Variants in EPHA5 observed in about 807,000 individuals in gnomAD.
EPHA5 encodes ephrin type-A receptor 5.
Under a neutral mutation model 105.0 loss-of-function variants are expected in EPHA5, and 60 were observed. That is an observed-to-expected ratio of 0.57 (90% CI 0.46 to 0.71). The LOEUF is 0.71. Among genes scored for constraint, EPHA5 ranks in the 30% least tolerant of loss-of-function variants. The pLI is 0.00. For missense variants in EPHA5, 1,218 were observed against 1,274.7 expected, an observed-to-expected ratio of 0.96 and a Z score of 0.68; for synonymous variants, 513 against 449.1, an observed-to-expected ratio of 1.14 and a Z score of -1.80.
chr4:65,586,747 T>C (rs374656873), intron 3 of EPHA5, among the ~76,000 whole-genome samples: 1 of 152,058 alleles, frequency 6.6e-6, no homozygotes, highest in African/African-American at 2.4e-5. Context: ...TTAATCTACA[T>C]TAATCTCATT....
chr4:65,400,854 G>A (rs529458799), intron 8 of EPHA5, among the ~76,000 whole-genome samples: 3 of 152,030 alleles, frequency 2.0e-5, no homozygotes, highest in Non-Finnish European at 4.4e-5. Flanking sequence ...AATATTACAT[G>A]CAAGTGATGT....
intron 16 of EPHA5, among the ~76,000 whole-genome samples, chr4:65,327,692 C>A (rs1720215230): frequency 6.6e-6 from 1 of 151,202 alleles, no homozygotes; most frequent in Non-Finnish European, 1.5e-5. Flanking sequence ...AAATTGTTCT[C>A]AGCAACTAAG....
chr4:65,391,939 C>A (rs1720756514), intron 8 of EPHA5, among the ~76,000 whole-genome samples: 1 of 152,064 alleles, frequency 6.6e-6, no homozygotes, highest in South Asian at 2.1e-4. Flanking sequence ...CTGAGTTTTT[C>A]TTTCAAATGT....
Position 65,442,839 on chromosome 4 carries a change from G to A in EPHA5, c.1403-22274C>T, listed in dbSNP as rs573497070. Among the ~76,000 whole-genome samples, 6 of 152,156 alleles carry A rather than the reference G, an allele frequency of 3.9e-5. No homozygotes were observed. The East Asian group carries it at 7.8e-4, about 20-fold the overall frequency. On this transcript the variant is annotated intron_variant, in intron 5 of 16. Transcript: ENST00000613740. The stretch of plus-strand genomic sequence containing the variant: ...ATTATGAATTGACAGTGCCCCATAA[G>A]GTGAGAAGAAACTGAAATGCAGAGG...
chr4:65,448,420 G>C (rs1335658794), intron 5 of EPHA5, among the ~76,000 whole-genome samples: 2 of 152,160 alleles, frequency 1.3e-5, no homozygotes, highest in African/African-American at 2.4e-5. Flanking sequence ...GGCCGAGGAG[G>C]ACAGATCACT....
At chr4:65,556,826 G>C (rs1162288952) in intron 3 of EPHA5, among the ~76,000 whole-genome samples, 1 of 151,918 alleles carries the variant, frequency 6.6e-6, no homozygotes, top group Non-Finnish European at 1.5e-5. Context: ...AAAACAACTT[G>C]CTCCTTTTCA....
chr4:65,656,230 T>C (rs1018400518), intron 1 of EPHA5, among the ~76,000 whole-genome samples: 1 of 150,482 alleles, frequency 6.6e-6, no homozygotes, highest in Non-Finnish European at 1.5e-5. Flanking sequence ...AGATAATCAG[T>C]GAAAATTAAA....
In EPHA5 at chr4:65,669,987, G is replaced by T; in HGVS notation, c.-245C>A. The T allele has an allele frequency of 2.1e-6, 1 of 486,686 alleles. No individual in the cohort carries two copies. Among genetic ancestry groups the T allele is most frequent in the Non-Finnish European group, 3.2e-6 (1 of 308,900 alleles). The allele number at this position is 486,686 out of a possible 1,614,324, so 30.1% of individuals were successfully genotyped here. A position where few individuals can be genotyped will look rare whatever the true frequency, so the allele number is the denominator to read the frequency against. ...TGAAATATTAGTTCTGGTTGCTAGTGCAGATCTGGACTCGGATCAAGGGTG... is the reference window on the plus strand; with the variant it reads ...TGAAATATTAGTTCTGGTTGCTAGTTCAGATCTGGACTCGGATCAAGGGTG... On this transcript the variant is annotated 5_prime_UTR_variant, in exon 1 of 17. Transcript: ENST00000613740.
rs566563277 is a variant in EPHA5, at chr4:65,584,228, T to C, written c.910+17413A>G. 7.6e-4 allele frequency among the ~76,000 whole-genome samples: 115 copies of C among 151,914 alleles called. 1 individual carries two copies. The highest frequency in any genetic ancestry group is 1.2e-3 in the Admixed American group (18 of 15,204). On this transcript the variant is annotated intron_variant, in intron 3 of 16. Coordinates refer to ENST00000613740, the MANE Select transcript of EPHA5 (RefSeq NM_001281766.3). ...TTCAAACAGAAACTCATCAATTTCT[T>C]CAAAATATAATGTGTTTCTCTTCTG...
At chr4:65,659,854 A>C (rs1322707191) in intron 1 of EPHA5, among the ~76,000 whole-genome samples, 2 of 152,122 alleles carry the variant, frequency 1.3e-5, no homozygotes, top group East Asian at 1.9e-4. Flanking sequence ...AAATATAAAA[A>C]TTCAATTATA....
chr4:65,393,297 A>G (rs1225888809), intron 8 of EPHA5, among the ~76,000 whole-genome samples: 3 of 152,110 alleles, frequency 2.0e-5, no homozygotes, highest in Non-Finnish European at 4.4e-5. Flanking sequence ...TAACTTCTCT[A>G]TCCTCTCCTT....
intron 5 of EPHA5, among the ~76,000 whole-genome samples, chr4:65,429,859 T>G (rs1724811311): frequency 6.6e-6 from 1 of 152,046 alleles, no homozygotes. Flanking sequence ...ACTTTATGGC[T>G]ACAGAATGAC....
chr4:65,492,993 G>T (rs79832783), intron 4 of EPHA5, among the ~76,000 whole-genome samples: 117,448 of 149,698 alleles, frequency 0.78, 46,380 homozygotes, highest in East Asian at 0.91. Flanking sequence ...GTTTTGTTTT[G>T]TTTTTTAATT....
chr4:65,620,857 C>T (rs1745647906), intron 2 of EPHA5, among the ~76,000 whole-genome samples: 1 of 152,044 alleles, frequency 6.6e-6, no homozygotes, highest in African/African-American at 2.4e-5. Flanking sequence ...CGTAAATTTC[C>T]CATATGCTTT....
chr4:65,538,431 C>A (rs181532580), intron 3 of EPHA5, among the ~76,000 whole-genome samples: 1 of 151,630 alleles, frequency 6.6e-6, no homozygotes, highest in East Asian at 1.9e-4. Flanking sequence ...AAGCAATATC[C>A]CTGAATGTAG....
At chr4:65,370,798 C>A (rs1237383450) in intron 8 of EPHA5, among the ~76,000 whole-genome samples, 2 of 152,066 alleles carry the variant, frequency 1.3e-5, no homozygotes, top group Non-Finnish European at 2.9e-5. Flanking sequence ...TCTGGAGCTC[C>A]ATAACATATA....
intron 6 of EPHA5, among the ~76,000 whole-genome samples, chr4:65,416,206 G>A (rs974229535): frequency 6.6e-5 from 10 of 151,970 alleles, no homozygotes; most frequent in East Asian, 1.9e-4. Context: ...TCATTTTTAC[G>A]TAAAGGATTA....
intron 8 of EPHA5, among the ~76,000 whole-genome samples, chr4:65,371,180 C>T (rs958846055): frequency 1.3e-5 from 2 of 151,958 alleles, no homozygotes; most frequent in Non-Finnish European, 2.9e-5. Context: ...CTAAAAACAT[C>T]TGTAGTGTCT....
intron 3 of EPHA5, among the ~76,000 whole-genome samples, chr4:65,588,205 GC>G (rs1375092334): frequency 6.6e-6 from 1 of 152,082 alleles, no homozygotes; most frequent in Non-Finnish European, 1.5e-5. Flanking sequence ...ACACATAGCA[GC>G]TTTTTGCAAA....
Sources: gnomAD v4.1 joint callset for allele counts (sites outside exome capture counted in the v4.1 genomes callset) on GRCh38, gnomAD v4.1.1 for gene constraint, MANE v1.5 for transcripts, NCBI Gene and HGNC (gene_info 2026-07-23, HGNC 2026-07-21) for gene names.